Variants in ARHGAP6 observed in about 807,000 individuals in gnomAD.
ARHGAP6 encodes rho GTPase-activating protein 6.
In ARHGAP6, 16 loss-of-function variants were observed where a neutral mutation model predicts 55.7. The ratio of observed to expected loss-of-function variants is 0.29; its 90% CI spans 0.19 to 0.44. ARHGAP6 has a LOEUF of 0.44. ARHGAP6 is among the 20% of genes least tolerant of loss of function. ARHGAP6 has a pLI of 1.00. For missense variants in ARHGAP6, 698 were observed against 808.9 expected, an observed-to-expected ratio of 0.86 and a Z score of 1.66; for synonymous variants, 382 against 360.9, an observed-to-expected ratio of 1.06 and a Z score of -0.66.
rs186840956 is a variant in ARHGAP6, at chrX:11,597,709, A to G, written c.588+66532T>C. On this transcript the variant is annotated intron_variant, in intron 1 of 12. Transcript: ENST00000337414. Reference sequence around the variant, plus strand: ...GGCTCTTGAGAAACACAAGCAATCAAGACTAAGCAATAATGTTCCAGGCAG... The same window carrying G: ...GGCTCTTGAGAAACACAAGCAATCAGGACTAAGCAATAATGTTCCAGGCAG... 4.9e-3 allele frequency among the ~76,000 whole-genome samples: 549 copies of G among 111,976 alleles called. 2 individuals carry two copies. Among genetic ancestry groups the G allele is most frequent in the Non-Finnish European group, 7.3e-3 (388 of 53,213 alleles).
intron 1 of ARHGAP6, among the ~76,000 whole-genome samples, chrX:11,656,264 C>T (rs976675601): frequency 8.9e-6 from 1 of 112,328 alleles, no homozygotes; most frequent in East Asian, 2.8e-4. Context: ...AAATACACGC[C>T]ATTCCTTCTC....
At chrX:11,177,984 G>A in intron 8 of ARHGAP6, 116 bp downstream of exon 8, 1 of 931,593 alleles carries the variant, frequency 1.1e-6, no homozygotes, top group Admixed American at 2.3e-5. Context: ...GAGACAGCTA[G>A]GTTGGAGAAG....
chrX:11,201,986 G>GGTGTGTGT (rs1360349395), intron 2 of ARHGAP6, among the ~76,000 whole-genome samples: 1 of 33,549 alleles, frequency 3.0e-5, no homozygotes, highest in East Asian at 1.8e-3. Context: ...TGAGCATCTG[G>GGTGTGTGT]ATCTGTGTGT....
At chrX:11,648,338 G>A (rs1280506564) in intron 1 of ARHGAP6, among the ~76,000 whole-genome samples, 1 of 111,559 alleles carries the variant, frequency 9.0e-6, no homozygotes, top group Non-Finnish European at 1.9e-5. Context: ...TACCAAGATT[G>A]CCCCAGTAAT....
intron 9 of ARHGAP6, among the ~76,000 whole-genome samples, chrX:11,163,218 C>T (rs1394958744): frequency 8.9e-6 from 1 of 112,031 alleles, no homozygotes; most frequent in Non-Finnish European, 1.9e-5. Flanking sequence ...ACTTTGGCCC[C>T]TCCTGCTTCA....
At chrX:11,472,126 T>C (rs1421279421) in intron 1 of ARHGAP6, among the ~76,000 whole-genome samples, 1 of 111,355 alleles carries the variant, frequency 9.0e-6, no homozygotes, top group Non-Finnish European at 1.9e-5. Context: ...TTGGCACTAC[T>C]GACACTGGGG....
chrX:11,334,285 A>T (rs756167452), intron 1 of ARHGAP6: 58 of 130,333 alleles, frequency 4.5e-4, no homozygotes, highest in Non-Finnish European at 8.8e-4. Context: ...GCTGGAGGTG[A>T]TCCCTGCCAC....
chrX:11,491,971 T>G (rs2050575814), intron 1 of ARHGAP6, among the ~76,000 whole-genome samples: 1 of 108,726 alleles, frequency 9.2e-6, no homozygotes, highest in Non-Finnish European at 1.9e-5. Context: ...CCAGTGATGG[T>G]AAGCATTTTT....
chrX:11,200,442 T>A (rs976085598), intron 2 of ARHGAP6, among the ~76,000 whole-genome samples: 2 of 112,369 alleles, frequency 1.8e-5, no homozygotes, highest in Admixed American at 9.4e-5. Flanking sequence ...CACATCCTAG[T>A]GACCCCAAAG....
intron 1 of ARHGAP6, among the ~76,000 whole-genome samples, chrX:11,260,193 C>T (rs2147496206): frequency 9.0e-6 from 1 of 111,484 alleles, no homozygotes; most frequent in South Asian, 3.8e-4. Context: ...AGGATTCTCT[C>T]CTGGAGCCTC....
intron 2 of ARHGAP6, among the ~76,000 whole-genome samples, chrX:11,238,061 A>G (rs2047226865): frequency 1.8e-5 from 2 of 112,095 alleles, no homozygotes; most frequent in Non-Finnish European, 3.8e-5. Context: ...CCAGTTGAGA[A>G]CCACTGGTCT....
At chrX:11,185,436 A>ATG (rs1277803808) in intron 5 of ARHGAP6, among the ~76,000 whole-genome samples, 1 of 112,136 alleles carries the variant, frequency 8.9e-6, no homozygotes, top group Non-Finnish European at 1.9e-5. Context: ...ATAGATGAGA[A>ATG]TGTTAACAGT....
intron 1 of ARHGAP6, among the ~76,000 whole-genome samples, chrX:11,454,630 T>C (rs111604246): frequency 1.0e-3 from 115 of 112,053 alleles, no homozygotes; most frequent in African/African-American, 3.7e-3. Context: ...GTTTATATCA[T>C]TTCATTTACT....
At chrX:11,245,566 G>T (rs2047341610) in intron 2 of ARHGAP6, among the ~76,000 whole-genome samples, 1 of 112,184 alleles carries the variant, frequency 8.9e-6, no homozygotes, top group East Asian at 2.8e-4. Flanking sequence ...GTGATTCCCT[G>T]TTCTCTATTC....
At chrX:11,539,690 G>T (rs1366767394) in intron 1 of ARHGAP6, among the ~76,000 whole-genome samples, 2 of 111,600 alleles carry the variant, frequency 1.8e-5, no homozygotes, top group African/African-American at 6.5e-5. Context: ...TTCAATAAAT[G>T]TTAGTGGAGT....
At chrX:11,473,021 A>G (rs1444206020) in intron 1 of ARHGAP6, among the ~76,000 whole-genome samples, 1 of 111,163 alleles carries the variant, frequency 9.0e-6, no homozygotes, top group Non-Finnish European at 1.9e-5. Context: ...CTCCATGGCC[A>G]GAAACCTCAT....
chrX:11,505,285 A>G (rs1289898074), intron 1 of ARHGAP6, among the ~76,000 whole-genome samples: 3 of 111,435 alleles, frequency 2.7e-5, no homozygotes, highest in Non-Finnish European at 5.7e-5. Flanking sequence ...ATTGAGTGTT[A>G]TAACACAGAA....
chrX:11,410,131 C>T (rs1033219463), intron 1 of ARHGAP6, among the ~76,000 whole-genome samples: 20 of 111,801 alleles, frequency 1.8e-4, no homozygotes, highest in African/African-American at 6.2e-4. Flanking sequence ...GTTATATACC[C>T]ACGAGAAGTG....
At chrX:11,591,989 A>T (rs1369917306) in intron 1 of ARHGAP6, among the ~76,000 whole-genome samples, 2 of 111,706 alleles carry the variant, frequency 1.8e-5, no homozygotes, top group African/African-American at 6.5e-5. Flanking sequence ...AGGTTCCCCA[A>T]AAGTAGTCCT....
Sources: gnomAD v4.1 joint callset for allele counts (sites outside exome capture counted in the v4.1 genomes callset) on GRCh38, gnomAD v4.1.1 for gene constraint, MANE v1.5 for transcripts, NCBI Gene and HGNC (gene_info 2026-07-23, HGNC 2026-07-21) for gene names.